MYCBPAP: variants seen among roughly 807,000 people sequenced by gnomAD.
MYCBPAP encodes MYCBP associated protein.
MYCBPAP carries 60 observed loss-of-function variants against 106.1 expected under a neutral mutation model. The ratio of observed to expected loss-of-function variants is 0.57; its 90% confidence interval spans 0.46 to 0.70. MYCBPAP has a LOEUF of 0.70. Ranked by LOEUF, MYCBPAP falls within the 30% of genes least tolerant of loss-of-function variation. The pLI, the probability that MYCBPAP is intolerant of heterozygous loss-of-function variation, is 0.00. For missense variants in MYCBPAP, 1,064 were observed against 1,169.3 expected, an observed-to-expected ratio of 0.91 and a Z score of 1.31; for synonymous variants, 407 against 440.6, an observed-to-expected ratio of 0.92 and a Z score of 0.95.
chr17:50,526,861 G>A (rs889127259), intron 14 of MYCBPAP, among the ~76,000 whole-genome samples: 1 of 152,184 alleles, frequency 6.6e-6, no homozygotes, highest in Non-Finnish European at 1.5e-5. Context: ...TGTTACAGGC[G>A]TGAGCCACCA....
At chr17:50,520,529 AT>A (rs2034220436) in intron 7 of MYCBPAP, among the ~76,000 whole-genome samples, 1 of 152,098 alleles carries the variant, frequency 6.6e-6, no homozygotes, top group South Asian at 2.1e-4. Context: ...AAATAAATAA[AT>A]AAACAAACAA....
At chr17:50,520,037 A>AT (rs2034203818) in intron 7 of MYCBPAP, 1 of 416,782 alleles carries the variant, frequency 2.4e-6, no homozygotes, top group Non-Finnish European at 4.3e-6. Flanking sequence ...TGGAGCCTTG[A>AT]GCCACATGCC....
At chr17:50,523,559 C>A in intron 11 of MYCBPAP, 38 bp from the exon 12 acceptor site, 1 of 1,607,714 alleles carries the variant, frequency 6.2e-7, no homozygotes, top group Non-Finnish European at 8.5e-7. Context: ...TCAGCCAGCT[C>A]CTGCATGTTG....
chr17:50,520,806 G>T (rs1342109701), intron 7 of MYCBPAP, among the ~76,000 whole-genome samples: 1 of 152,162 alleles, frequency 6.6e-6, no homozygotes, highest in East Asian at 1.9e-4. Context: ...GGCTAAATGA[G>T]ATATGAAATG....
Position 50,525,999 on chromosome 17 carries a change from C to T in MYCBPAP, c.1901C>T (p.Ala634Val). The T allele has an allele frequency of 2.5e-6, 4 of 1,613,932 alleles. No homozygotes were observed. The highest frequency in any genetic ancestry group is 3.4e-6 in the Non-Finnish European group (4 of 1,180,032). Reference sequence around the variant, plus strand: ...GACAAGGAGCACGTCAGCCCCATAGCCACAGAGAAGGCCTCTGTGAATGCT... The same window carrying T: ...GACAAGGAGCACGTCAGCCCCATAGTCACAGAGAAGGCCTCTGTGAATGCT... ...PGDKEHVSPI[A>V]TEKASVNAEL... Residue 634 changes from alanine (A) to valine (V), a missense_variant, in exon 14 of 19, where the codon GCC becomes GTC. Physicochemically the swap from Ala to Val is moderately conservative, Grantham distance 64 (BLOSUM62 0). Transcript: ENST00000323776.
rs376009370 is a variant in MYCBPAP at position 50,517,245 on chromosome 17, C to T, written c.205-48C>T. 2.1e-5 allele frequency: 33 copies of T among 1,573,046 alleles called. No homozygotes were observed. The African/African-American group carries it at 3.8e-4, about 18-fold the overall frequency. ...AACAGAAGAGATGGGTGGTGCTCTT[C>T]CTCCTGCCACCACAGGTGGAATTCT... On this transcript the variant is annotated intron_variant, in intron 2 of 18. Coordinates refer to ENST00000323776, the MANE Select transcript of MYCBPAP (RefSeq NM_032133.6).
chr17:50,524,993 G>A lies in MYCBPAP; in HGVS notation c.1752G>A (p.Glu584=). The A allele has an allele frequency of 6.2e-7, 1 of 1,613,700 alleles. No homozygotes were observed. The highest frequency in any genetic ancestry group is 2.2e-5 in the East Asian group (1 of 44,870). ...TPSPVDAYLT[E]EDLFRHRNPP... is the part of the protein sequence containing the mutation. ...CACCTGTGGATGCCTATCTCACCGA[G>A]GAAGACTTGTTCCGGCACAGAAATC... Residue 584 remains glutamate, a synonymous_variant, in exon 13 of 19, where the codon GAG becomes GAA. Coordinates refer to ENST00000323776, the MANE Select transcript of MYCBPAP (RefSeq NM_032133.6).
rs752870334 is a variant in MYCBPAP, at chr17:50,526,085, G to A, written c.1987G>A (p.Glu663Lys). 16 of 1,613,804 alleles carry A rather than the reference G, an allele frequency of 9.9e-6. No homozygotes were observed. The highest frequency in any genetic ancestry group is 9.3e-5 in the African/African-American group (7 of 74,926). ...AACTCAAGTGCCCCGGCCTGAGAAC[G>A]AGGCCCTCAGGGAATCCGGGTCCCA... Reference protein sequence around the residue: ...SETQVPRPENEALRESGSQKA... With the variant: ...SETQVPRPENKALRESGSQKA... Residue 663 changes from glutamate (E) to lysine (K), a missense_variant, in exon 14 of 19, where the codon GAG becomes AAG. Glu to Lys is a moderately conservative substitution (Grantham distance 56). Transcript: ENST00000323776.
At chr17:50,529,225 C>T (rs1001636820) in intron 18 of MYCBPAP, 37 bp downstream of exon 18, 1 of 1,584,362 alleles carries the variant, frequency 6.3e-7, no homozygotes. Flanking sequence ...CCCCTGCCTC[C>T]CACCTGCCTT....
Position 50,527,558 on chromosome 17 carries a change from C to G in MYCBPAP, c.2291+150C>G. On this transcript the variant is annotated intron_variant, in intron 15 of 18. Transcript: ENST00000323776. ...GCCGCAAACATTCCACGTTCTGGAA[C>G]CCTGCAGTGCCTACTGCTCACTGGA... 5 of 947,990 alleles carry G rather than the reference C, an allele frequency of 5.3e-6. No homozygotes were observed. In the South Asian group the frequency reaches 8.4e-5, roughly 16 times the overall value. The allele number at this position is 947,990 out of a possible 1,614,324, so 58.7% of individuals were successfully genotyped here. A position where few individuals can be genotyped will look rare whatever the true frequency, so the allele number is the denominator to read the frequency against.
At chr17:50,514,299 T>G (rs1286035719) in intron 1 of MYCBPAP, among the ~76,000 whole-genome samples, 1 of 152,248 alleles carries the variant, frequency 6.6e-6, no homozygotes. Context: ...CCAAAACACC[T>G]GCCTTTATGT....
In MYCBPAP at chr17:50,522,043, C is replaced by CCTTCT. The variant is rs750405822; in HGVS notation, c.1220_1221insTTCTC (p.Ala408SerfsTer23). On this transcript the variant is annotated frameshift_variant, in exon 10 of 19. Coordinates refer to ENST00000323776, the MANE Select transcript of MYCBPAP (RefSeq NM_032133.6). LOFTEE classifies it high-confidence loss of function. ...CCCTTCTCTGCTGTTCTGTGGGAAG[C>CCTTCT]CAGCTTGCTGGATCAGAGGCAGTAA... The CCTTCT allele has an allele frequency of 8.7e-6, 14 of 1,613,884 alleles. No homozygotes were observed. Among genetic ancestry groups the CCTTCT allele is most frequent in the Middle Eastern group, 1.6e-4 (1 of 6,076 alleles).
chr17:50,508,219 A>C, upstream of MYCBPAP: 15 of 275,872 alleles, frequency 5.4e-5, no homozygotes, highest in East Asian at 9.5e-5. Context: ...GAAGGCGGGA[A>C]GCAGGGGCTG....
Position 50,519,669 on chromosome 17 carries a change from A to G in MYCBPAP, c.798A>G (p.Arg266=), listed in dbSNP as rs935394944. 7 of 1,613,956 alleles carry G rather than the reference A, an allele frequency of 4.3e-6. No homozygotes were observed. Among genetic ancestry groups the G allele is most frequent in the Admixed American group, 3.3e-5 (2 of 60,004 alleles). ...KSWENSGFWS[R]LEYLGDEMTG... Reference sequence around the variant, plus strand: ...GGGAGAACAGTGGGTTCTGGAGTCGACTGGAATACTTGGGAGATGAGATGA... The same window carrying G: ...GGGAGAACAGTGGGTTCTGGAGTCGGCTGGAATACTTGGGAGATGAGATGA... Residue 266 remains arginine (R), a synonymous_variant, in exon 7 of 19, where the codon CGA becomes CGG. Transcript: ENST00000323776.
At chr17:50,518,510 G>T (rs775576357) in intron 4 of MYCBPAP, 31 bp from the exon 5 acceptor site, 1 of 1,524,018 alleles carries the variant, frequency 6.6e-7, no homozygotes, top group South Asian at 1.3e-5. Flanking sequence ...CCTTCTTACT[G>T]CCCTCCACAT....
intron 2 of MYCBPAP, 127 bp from the exon 3 acceptor site, chr17:50,517,166 G>T: frequency 1.2e-6 from 1 of 845,910 alleles, no homozygotes; most frequent in Non-Finnish European, 2.0e-6. Context: ...AGAACATATG[G>T]ACAGAGCTGA....
At position 50,517,160 on chromosome 17, in the gene MYCBPAP, C is replaced by T. The variant is rs1465100784; in HGVS notation, c.205-133C>T. Reference sequence around the variant, plus strand: ...TTACACAGGCATTTCCTTGACAGAACATATGGACAGAGCTGAAGAAACAGA... The same window carrying T: ...TTACACAGGCATTTCCTTGACAGAATATATGGACAGAGCTGAAGAAACAGA... On this transcript the variant is annotated intron_variant, in intron 2 of 18. Transcript: ENST00000323776. 3.7e-6 allele frequency: 3 copies of T among 813,518 alleles called. No homozygotes were observed. The Admixed American group carries it at 6.2e-5, about 17-fold the overall frequency. 50.4% of individuals were successfully genotyped at this position (813,518 alleles called of 1,614,324 possible).
At chr17:50,509,756 T>C (rs1389912730) in intron 1 of MYCBPAP, 1 of 153,420 alleles carries the variant, frequency 6.5e-6, no homozygotes, top group Non-Finnish European at 1.5e-5. Context: ...AGGGTATCGG[T>C]ATTAACTGTG....
chr17:50,531,109 A>G (rs1010677243), intron 18 of MYCBPAP, among the ~76,000 whole-genome samples: 6 of 151,062 alleles, frequency 4.0e-5, no homozygotes, highest in Non-Finnish European at 8.8e-5. Flanking sequence ...CCATGATCAC[A>G]CCACTGGACT....
Sources: allele counts gnomAD v4.1 joint callset (sites outside exome capture counted in the v4.1 genomes callset), GRCh38; gene constraint gnomAD v4.1.1; transcripts MANE v1.5; gene names NCBI Gene and HGNC (gene_info 2026-07-23, HGNC 2026-07-21).